Variants in ZMAT4 observed in about 807,000 individuals in gnomAD.
ZMAT4 encodes the protein zinc finger matrin-type protein 4.
ZMAT4 carries 17 observed loss-of-function variants against 28.7 expected under a neutral mutation model. The observed-to-expected ratio is 0.59, with a 90% CI of 0.41 to 0.89. The LOEUF is 0.89. Among genes scored for constraint, ZMAT4 ranks in the 40% least tolerant of loss-of-function variants. ZMAT4 has a pLI of 0.00. For missense variants in ZMAT4, 240 were observed against 283.8 expected, an observed-to-expected ratio of 0.85 and a Z score of 1.11; for synonymous variants, 117 against 109.2, an observed-to-expected ratio of 1.07 and a Z score of -0.44.
intron 6 of ZMAT4, among the ~76,000 whole-genome samples, chr8:40,577,404 G>A (rs1804303536): frequency 1.3e-5 from 2 of 152,174 alleles, no homozygotes; most frequent in African/African-American, 4.8e-5. Flanking sequence ...AGGACATTAT[G>A]TTAAGTGAAA....
intron 5 of ZMAT4, among the ~76,000 whole-genome samples, chr8:40,611,650 AT>A (rs1805801273): frequency 6.6e-6 from 1 of 152,156 alleles, no homozygotes. Flanking sequence ...AGAAACTCAC[AT>A]TTTAATTTAT....
At chr8:40,684,014 A>G (rs10958629) in intron 4 of ZMAT4, among the ~76,000 whole-genome samples, 107,959 of 151,656 alleles carry the variant, frequency 0.71, 38,593 homozygotes, top group Middle Eastern at 0.84. Context: ...GCTACAGTGA[A>G]CCATATTTGT....
intron 5 of ZMAT4, among the ~76,000 whole-genome samples, chr8:40,622,151 G>A (rs1220092771): frequency 6.6e-6 from 1 of 152,156 alleles, no homozygotes; most frequent in African/African-American, 2.4e-5. Flanking sequence ...AAATGACCTG[G>A]TAATTCTTTT....
At chr8:40,603,820 T>G (rs956990680) in intron 5 of ZMAT4, among the ~76,000 whole-genome samples, 1 of 151,982 alleles carries the variant, frequency 6.6e-6, no homozygotes, top group Non-Finnish European at 1.5e-5. Flanking sequence ...TTAGTAGAGA[T>G]GGGGTTTTAC....
chr8:40,752,940 A>G (rs746552320), intron 3 of ZMAT4, among the ~76,000 whole-genome samples: 7 of 151,896 alleles, frequency 4.6e-5, no homozygotes, highest in Non-Finnish European at 8.8e-5. Flanking sequence ...GGTTTGTTAC[A>G]TAGGTATAAA....
In ZMAT4 at chr8:40,539,077, A is replaced by G. The variant is rs141532116; in HGVS notation, c.675-6839T>C. ...GGGATTACAGGGATGAGCCACCACA[A>G]CCGGCCTTTTATTGCATTTTTCTAA... On this transcript the variant is annotated intron_variant, in intron 6 of 6. Transcript: ENST00000297737. Among the ~76,000 whole-genome samples the G allele has an allele frequency of 1.7e-3, 263 of 152,072 alleles. 1 individual carries two copies. The highest frequency in any genetic ancestry group is 6.0e-3 in the African/African-American group (249 of 41,486).
At chr8:40,888,917 C>T (rs936019809) in intron 1 of ZMAT4, among the ~76,000 whole-genome samples, 1 of 152,216 alleles carries the variant, frequency 6.6e-6, no homozygotes, top group African/African-American at 2.4e-5. Flanking sequence ...GGTGGCTTCA[C>T]ACCTTCTTGC....
intron 3 of ZMAT4, among the ~76,000 whole-genome samples, chr8:40,759,959 T>C (rs556504984): frequency 6.6e-6 from 1 of 152,238 alleles, no homozygotes; most frequent in South Asian, 2.1e-4. Flanking sequence ...GAACTATCTG[T>C]CCCCACTAAC....
chr8:40,753,536 T>TC (rs1378850279), intron 3 of ZMAT4, among the ~76,000 whole-genome samples: 4 of 152,020 alleles, frequency 2.6e-5, no homozygotes, highest in Non-Finnish European at 4.4e-5. Context: ...TAACATCCAT[T>TC]CCCCCCCACC....
chr8:40,624,582 T>C (rs897605820), intron 5 of ZMAT4, among the ~76,000 whole-genome samples: 4 of 152,232 alleles, frequency 2.6e-5, no homozygotes, highest in African/African-American at 9.6e-5. Context: ...CTTTAATCTT[T>C]AAGAAATATT....
intron 1 of ZMAT4, among the ~76,000 whole-genome samples, chr8:40,858,664 G>A (rs543967259): frequency 2.6e-5 from 4 of 152,096 alleles, no homozygotes; most frequent in African/African-American, 9.7e-5. Context: ...GTGAAAAAAG[G>A]TTCCCATACC....
intron 2 of ZMAT4, among the ~76,000 whole-genome samples, chr8:40,774,896 T>C (rs1813528256): frequency 6.6e-6 from 1 of 152,170 alleles, no homozygotes; most frequent in African/African-American, 2.4e-5. Context: ...ATCAAATCAT[T>C]CCAATAATCA....
chr8:40,546,749 G>T (rs533371822), intron 6 of ZMAT4, among the ~76,000 whole-genome samples: 54 of 152,250 alleles, frequency 3.5e-4, no homozygotes, highest in Middle Eastern at 3.4e-3. Context: ...TCCAGAGCTC[G>T]GTGTGAGCTG....
intron 2 of ZMAT4, among the ~76,000 whole-genome samples, chr8:40,795,427 G>GT (rs1270131675): frequency 2.0e-5 from 3 of 152,196 alleles, no homozygotes; most frequent in Non-Finnish European, 2.9e-5. Flanking sequence ...CCATGAGACT[G>GT]TTTTTTAGTG....
intron 5 of ZMAT4, among the ~76,000 whole-genome samples, chr8:40,617,142 G>A (rs1279824924): frequency 6.6e-6 from 1 of 152,094 alleles, no homozygotes; most frequent in Non-Finnish European, 1.5e-5. Context: ...TTAAAGTAAA[G>A]TAAAGGATCA....
intron 2 of ZMAT4, among the ~76,000 whole-genome samples, chr8:40,801,628 C>T (rs1814853870): frequency 1.3e-5 from 2 of 151,868 alleles, no homozygotes; most frequent in Non-Finnish European, 1.5e-5. Context: ...TGAGATCGCA[C>T]CATTGAACTC....
chr8:40,739,594 T>C (rs949292530), intron 3 of ZMAT4, among the ~76,000 whole-genome samples: 3 of 152,234 alleles, frequency 2.0e-5, no homozygotes, highest in Admixed American at 6.5e-5. Context: ...TTACTCACTA[T>C]GTGCCCACTT....
chr8:40,589,967 C>T (rs1160136934), intron 5 of ZMAT4, among the ~76,000 whole-genome samples: 1 of 18,468 alleles, frequency 5.4e-5, no homozygotes, highest in Non-Finnish European at 1.3e-4. Flanking sequence ...CTCCTTCCCT[C>T]CCTCCCTTCC....
chr8:40,852,951 G>C (rs572592629), intron 1 of ZMAT4, among the ~76,000 whole-genome samples: 1 of 151,552 alleles, frequency 6.6e-6, no homozygotes, highest in South Asian at 2.1e-4. Flanking sequence ...ATTTTATCAC[G>C]GGCAAAAAAA....
Sources: gnomAD v4.1 joint callset for allele counts (sites outside exome capture counted in the v4.1 genomes callset) on GRCh38, gnomAD v4.1.1 for gene constraint, MANE v1.5 for transcripts, NCBI Gene and HGNC (gene_info 2026-07-23, HGNC 2026-07-21) for gene names.